The following MAST4 variants were observed in gnomAD, a reference collection of about 807,000 sequenced individuals.
MAST4 encodes microtubule-associated serine/threonine-protein kinase 4.
MAST4 carries 89 observed loss-of-function variants against 162.7 expected under a neutral mutation model. That is an observed-to-expected ratio of 0.55 (90% CI 0.46 to 0.65). MAST4 has a LOEUF of 0.65. MAST4 is among the 30% of genes least tolerant of loss of function. MAST4 has a pLI of 0.00. For missense variants in MAST4, 3,153 were observed against 3,374.0 expected (o/e 0.93, Z 1.62); for synonymous variants, 1,479 against 1,361.1 (o/e 1.09, Z -1.91).
intron 4 of MAST4, among the ~76,000 whole-genome samples, chr5:66,913,469 G>A (rs1763906098): frequency 6.6e-6 from 1 of 152,048 alleles, no homozygotes; most frequent in Non-Finnish European, 1.5e-5. Flanking sequence ...TATTAGAGTT[G>A]TTTTGCTAAG....
intron 1 of MAST4, among the ~76,000 whole-genome samples, chr5:66,677,759 G>A (rs947684129): frequency 1.3e-5 from 2 of 152,102 alleles, no homozygotes; most frequent in African/African-American, 4.8e-5. Flanking sequence ...ATGGCAGGGT[G>A]ACTCCAGTAG....
At chr5:66,756,977 A>G (rs949449398) in intron 1 of MAST4, among the ~76,000 whole-genome samples, 1 of 152,150 alleles carries the variant, frequency 6.6e-6, no homozygotes, top group African/African-American at 2.4e-5. Flanking sequence ...GTGGACTAAC[A>G]GCTCATGTCT....
At position 66,723,275 on chromosome 5, in the gene MAST4, T is replaced by C. The variant is rs1751326732; in HGVS notation, c.364-36434T>C. ...CCATTTCTCAGTCCTAAAGGGTTCTTCTTTCTATTAGTAATTGAAATGATT... is the reference window on the plus strand; with the variant it reads ...CCATTTCTCAGTCCTAAAGGGTTCTCCTTTCTATTAGTAATTGAAATGATT... On this transcript the variant is annotated intron_variant, in intron 1 of 28. Transcript: ENST00000403625. Among the ~76,000 whole-genome samples the C allele has an allele frequency of 2.0e-5, 3 of 152,196 alleles. No individual in the cohort carries two copies. The South Asian group carries it at 6.2e-4, about 32-fold the overall frequency.
intron 3 of MAST4, among the ~76,000 whole-genome samples, chr5:66,885,493 A>G (rs1379624592): frequency 6.6e-6 from 1 of 152,234 alleles, no homozygotes; most frequent in Admixed American, 6.5e-5. Context: ...TAAAATATAC[A>G]GCTATGGGAT....
intron 4 of MAST4, among the ~76,000 whole-genome samples, chr5:66,903,183 C>T (rs464881): frequency 0.54 from 82,756 of 151,980 alleles, 23,017 homozygotes; most frequent in African/African-American, 0.63. Context: ...ATGATAAAGG[C>T]CACTTACTAG....
At chr5:66,949,432 T>G (rs371872031) in intron 4 of MAST4, among the ~76,000 whole-genome samples, 1 of 152,170 alleles carries the variant, frequency 6.6e-6, no homozygotes, top group South Asian at 2.1e-4. Context: ...TATAAGGGGC[T>G]TCCGCCTTCA....
intron 4 of MAST4, among the ~76,000 whole-genome samples, chr5:66,942,140 G>T (rs1474512323): frequency 2.6e-5 from 4 of 152,114 alleles, no homozygotes; most frequent in Non-Finnish European, 5.9e-5. Context: ...AGATGGTGCT[G>T]ATAGATTTGC....
intron 4 of MAST4, among the ~76,000 whole-genome samples, chr5:66,948,187 A>C (rs1744255992): frequency 6.6e-6 from 1 of 152,158 alleles, no homozygotes; most frequent in Admixed American, 6.5e-5. Context: ...AGGAAAGGCA[A>C]GACGAGAACC....
intron 2 of MAST4, among the ~76,000 whole-genome samples, chr5:66,760,482 C>T (rs570331910): frequency 1.9e-4 from 29 of 152,186 alleles, no homozygotes; most frequent in South Asian, 1.5e-3. Context: ...TAACTACTGC[C>T]GTGATCAGGA....
intron 23 of MAST4, among the ~76,000 whole-genome samples, chr5:67,147,407 C>T (rs1172466222): frequency 6.6e-6 from 1 of 152,214 alleles, no homozygotes; most frequent in Non-Finnish European, 1.5e-5. Context: ...GAAGCTCACG[C>T]TTATATGCAG....
At chr5:66,758,397 A>T (rs763773870) in intron 1 of MAST4, among the ~76,000 whole-genome samples, 1 of 151,328 alleles carries the variant, frequency 6.6e-6, no homozygotes, top group African/African-American at 2.4e-5. Flanking sequence ...ATAGAAATAA[A>T]TATTTCTATT....
At chr5:66,891,117 A>G (rs563563031) in intron 3 of MAST4, among the ~76,000 whole-genome samples, 108 of 152,262 alleles carry the variant, frequency 7.1e-4, no homozygotes, top group African/African-American at 2.5e-3. Flanking sequence ...CGCTGGTGTA[A>G]CTTAAATCGT....
intron 1 of MAST4, among the ~76,000 whole-genome samples, chr5:66,657,036 T>C (rs1183627082): frequency 6.6e-6 from 1 of 152,354 alleles, no homozygotes; most frequent in South Asian, 2.1e-4. Flanking sequence ...TTGCAGTTAC[T>C]GAGTAAATAT....
chr5:66,959,122 C>G (rs1745675151), intron 4 of MAST4: 2 of 700,044 alleles, frequency 2.9e-6, no homozygotes, highest in Non-Finnish European at 2.7e-6. Flanking sequence ...GCAGCCTCCC[C>G]CTCCCCCTCG....
At chr5:66,740,368 A>T (rs1752417490) in intron 1 of MAST4, among the ~76,000 whole-genome samples, 1 of 152,172 alleles carries the variant, frequency 6.6e-6, no homozygotes, top group African/African-American at 2.4e-5. Flanking sequence ...AATTTAAATT[A>T]TGTTTGCTGT....
intron 14 of MAST4, among the ~76,000 whole-genome samples, chr5:67,124,104 C>T (rs1767904497): frequency 6.6e-6 from 1 of 152,152 alleles, no homozygotes; most frequent in Admixed American, 6.6e-5. Context: ...TCCACTTCTC[C>T]CCACCCTCCC....
intron 1 of MAST4, among the ~76,000 whole-genome samples, chr5:66,657,743 C>T (rs1746644770): frequency 6.6e-6 from 1 of 152,104 alleles, no homozygotes; most frequent in Non-Finnish European, 1.5e-5. Context: ...CCTGTCATTT[C>T]CTTTATCCAT....
At chr5:66,913,736 C>T (rs1348895040) in intron 4 of MAST4, among the ~76,000 whole-genome samples, 1 of 152,176 alleles carries the variant, frequency 6.6e-6, no homozygotes, top group African/African-American at 2.4e-5. Flanking sequence ...AAGGTTTTCT[C>T]ATATGTTTTC....
At chr5:66,967,098 T>C (rs1746828346) in intron 4 of MAST4, among the ~76,000 whole-genome samples, 1 of 152,240 alleles carries the variant, frequency 6.6e-6, no homozygotes, top group Non-Finnish European at 1.5e-5. Context: ...GCACAGATTT[T>C]GTTTTCCTAC....
Sources: gnomAD v4.1 joint callset for allele counts (sites outside exome capture counted in the v4.1 genomes callset) on GRCh38, gnomAD v4.1.1 for gene constraint, MANE v1.5 for transcripts, NCBI Gene and HGNC (gene_info 2026-07-23, HGNC 2026-07-21) for gene names.